Variants in TBC1D1 observed in about 807,000 individuals in gnomAD.
TBC1D1 encodes the protein TBC1 (tre-2/USP6, BUB2, cdc16) domain family, member 1.
A neutral mutation model predicts 125.6 loss-of-function variants in TBC1D1; 89 were observed. That is an observed-to-expected ratio of 0.71 (90% confidence interval 0.60 to 0.85). The LOEUF (loss-of-function observed/expected upper bound fraction) is 0.85, where lower values mean the gene tolerates loss of function less well. TBC1D1 is among the 40% of genes least tolerant of loss of function. The probability of loss-of-function intolerance (pLI) is 0.00; values close to 1 mark genes in which losing one functional copy is unlikely to be tolerated. For missense variants in TBC1D1, 1,377 were observed against 1,469.2 expected (o/e 0.94, Z 1.03); for synonymous variants, 565 against 564.1 (o/e 1.00, Z -0.02).
At chr4:37,947,033 A>G (rs753227777) in intron 2 of TBC1D1, among the ~76,000 whole-genome samples, 3 of 152,248 alleles carry the variant, frequency 2.0e-5, no homozygotes, top group Non-Finnish European at 4.4e-5. Flanking sequence ...TGGACGGATG[A>G]TGAACATAGC....
intron 8 of TBC1D1, among the ~76,000 whole-genome samples, chr4:38,041,016 T>C (rs751800193): frequency 6.6e-6 from 1 of 152,232 alleles, no homozygotes; most frequent in Non-Finnish European, 1.5e-5. Flanking sequence ...GTTCCCCTTC[T>C]CAAAGGAATT....
intron 2 of TBC1D1, among the ~76,000 whole-genome samples, chr4:37,933,601 A>T (rs1723771079): frequency 6.6e-6 from 1 of 152,206 alleles, no homozygotes; most frequent in Non-Finnish European, 1.5e-5. Flanking sequence ...GGGAAAAAAA[A>T]TAGGTAATAT....
intron 2 of TBC1D1, among the ~76,000 whole-genome samples, chr4:37,925,611 G>A (rs1259746288): frequency 6.7e-6 from 1 of 149,928 alleles, no homozygotes; most frequent in South Asian, 2.1e-4. Context: ...AGCTACTTAG[G>A]AGCGGAGGTT....
At chr4:37,997,865 A>G (rs1578205196) in intron 2 of TBC1D1, among the ~76,000 whole-genome samples, 1 of 152,108 alleles carries the variant, frequency 6.6e-6, no homozygotes, top group East Asian at 1.9e-4. Context: ...TCTGAGGTGC[A>G]GCACACCCTG....
At chr4:38,003,441 T>C (rs184729919) in intron 2 of TBC1D1, among the ~76,000 whole-genome samples, 1 of 152,312 alleles carries the variant, frequency 6.6e-6, no homozygotes, top group East Asian at 1.9e-4. Context: ...TGTTTGGAAA[T>C]TTGGTCAAAG....
intron 2 of TBC1D1, among the ~76,000 whole-genome samples, chr4:37,957,283 T>TA (rs1314036269): frequency 6.6e-6 from 1 of 152,198 alleles, no homozygotes; most frequent in Admixed American, 6.5e-5. Context: ...ATTAAAGTAA[T>TA]AAATAACACT....
chr4:37,942,425 T>C (rs183836721), intron 2 of TBC1D1, among the ~76,000 whole-genome samples: 3,111 of 150,212 alleles, frequency 0.021, 53 homozygotes, highest in Non-Finnish European at 0.033. Context: ...TGTCTCTGCA[T>C]GTAAGATGGG....
At chr4:37,965,705 G>A (rs1489651257) in intron 2 of TBC1D1, among the ~76,000 whole-genome samples, 1 of 152,058 alleles carries the variant, frequency 6.6e-6, no homozygotes, top group African/African-American at 2.4e-5. Context: ...CTGAGCGAAG[G>A]CTGCCAGGTG....
intron 2 of TBC1D1, among the ~76,000 whole-genome samples, chr4:37,987,619 A>G (rs1307049270): frequency 6.6e-6 from 1 of 152,236 alleles, no homozygotes; most frequent in Non-Finnish European, 1.5e-5. Flanking sequence ...ACATTTTTTT[A>G]AATCCCTGAA....
At chr4:38,075,579 G>A (rs562143476) in intron 12 of TBC1D1, among the ~76,000 whole-genome samples, 6 of 152,174 alleles carry the variant, frequency 3.9e-5, no homozygotes, top group Non-Finnish European at 7.4e-5. Context: ...CCTCTCCTCC[G>A]CAAAGCACAA....
intron 15 of TBC1D1, among the ~76,000 whole-genome samples, chr4:38,108,107 A>G (rs574641373): frequency 1.3e-5 from 2 of 152,232 alleles, no homozygotes; most frequent in Admixed American, 6.5e-5. Flanking sequence ...TTTCATGTCT[A>G]TTCTTTGACT....
intron 2 of TBC1D1, among the ~76,000 whole-genome samples, chr4:38,008,230 C>G (rs1303955858): frequency 2.0e-5 from 3 of 152,218 alleles, no homozygotes; most frequent in African/African-American, 7.2e-5. Flanking sequence ...AGAAAACCTA[C>G]GAAATAATTT....
At chr4:38,121,099 C>T (rs928180879) in intron 17 of TBC1D1, among the ~76,000 whole-genome samples, 1 of 152,102 alleles carries the variant, frequency 6.6e-6, no homozygotes, top group African/African-American at 2.4e-5. Context: ...GACATGATGC[C>T]GCGTGATGAT....
At chr4:37,954,661 C>A (rs555712639) in intron 2 of TBC1D1, among the ~76,000 whole-genome samples, 2 of 152,076 alleles carry the variant, frequency 1.3e-5, no homozygotes, top group South Asian at 4.2e-4. Context: ...TGAGGACCGG[C>A]CTAGGATAAT....
In TBC1D1 at chr4:38,125,055, T is replaced by C. The variant is rs1425609720; in HGVS notation, c.3056T>C (p.Leu1019Pro). ...CCCTTGATTCTGCAGCATGAAAACC[T>C]AGAAACCATAGTTGACTTTATAAAA... The change falls in exon 18 of 20, where the codon CTA (leucine) becomes CCA (proline). Residue 1019 changes from leucine (L) to proline (P), a missense_variant. Physicochemically the swap from Leu to Pro is moderately conservative, Grantham distance 98. This residue lies in a region of TBC1D1 where 543 missense variants were observed against 613.5 expected (regional missense o/e 0.89). Transcript: ENST00000261439. 1 of 1,614,124 alleles carries C rather than the reference T, an allele frequency of 6.2e-7. No individual in the cohort carries two copies. The highest frequency in any genetic ancestry group is 1.3e-5 in the African/African-American group (1 of 75,034).
intron 2 of TBC1D1, among the ~76,000 whole-genome samples, chr4:37,962,008 C>A (rs1730153425): frequency 6.6e-6 from 1 of 152,192 alleles, no homozygotes; most frequent in Non-Finnish European, 1.5e-5. Flanking sequence ...AAATTCAAGA[C>A]AAATCATAAA....
At chr4:37,963,344 GA>G (rs1420606522) in intron 2 of TBC1D1, among the ~76,000 whole-genome samples, 2 of 151,916 alleles carry the variant, frequency 1.3e-5, no homozygotes, top group East Asian at 3.9e-4. Flanking sequence ...GAAGGCCAAG[GA>G]GGGAGCAGGC....
Position 38,096,225 on chromosome 4 carries a change from A to G in TBC1D1, c.2398+135A>G, listed in dbSNP as rs563184193. On this transcript the variant is annotated intron_variant, in intron 14 of 19. Transcript: ENST00000261439. ...TTTCATCACATCTTAATCTATTTCC[A>G]TATACCTTACTTAATAGACATGAGT... is the stretch of plus-strand genomic sequence containing the variant. The G allele has an allele frequency of 5.0e-4, 332 of 662,836 alleles. 2 individuals are homozygous for G. The East Asian group carries it at 8.7e-3, about 17-fold the overall frequency. 41.1% of individuals were successfully genotyped at this position (662,836 alleles called of 1,614,324 possible). A position where few individuals can be genotyped will look rare whatever the true frequency, so the allele number is the denominator to read the frequency against.
intron 2 of TBC1D1, among the ~76,000 whole-genome samples, chr4:37,999,645 T>C (rs555841106): frequency 6.6e-6 from 1 of 152,202 alleles, no homozygotes; most frequent in East Asian, 1.9e-4. Context: ...GGGTTGGATC[T>C]GGAAGAACCT....
Sources: allele counts gnomAD v4.1 joint callset (sites outside exome capture counted in the v4.1 genomes callset), GRCh38; gene constraint gnomAD v4.1.1; regional missense constraint gnomAD v4.1.1; transcripts MANE v1.5; gene names NCBI Gene and HGNC (gene_info 2026-07-23, HGNC 2026-07-21).